The following GPC4 variants were observed in gnomAD, a reference collection of about 807,000 sequenced individuals.
GPC4 encodes the protein glypican 4.
In GPC4, 10 loss-of-function variants were observed where a neutral mutation model predicts 35.0. The observed-to-expected ratio is 0.29, with a 90% confidence interval of 0.18 to 0.48. The LOEUF (loss-of-function observed/expected upper bound fraction) is 0.48, where lower values mean the gene tolerates loss of function less well. Among genes scored for constraint, GPC4 ranks in the 20% least tolerant of loss-of-function variants. The probability of loss-of-function intolerance (pLI) is 0.99; values close to 1 mark genes in which losing one functional copy is unlikely to be tolerated. For synonymous variants in GPC4, 167 were observed against 170.2 expected (o/e 0.98, Z 0.15); for missense variants, 322 against 451.3 (o/e 0.71, Z 2.60).
chrX:133,370,796 G>C (rs1175807390), intron 1 of GPC4, among the ~76,000 whole-genome samples: 1 of 111,589 alleles, frequency 9.0e-6, no homozygotes, highest in Non-Finnish European at 1.9e-5. Flanking sequence ...CCATAGAACT[G>C]CTAACCAAAA....
At chrX:133,358,380 C>T (rs1200751024) in intron 1 of GPC4, among the ~76,000 whole-genome samples, 1 of 112,116 alleles carries the variant, frequency 8.9e-6, no homozygotes, top group Admixed American at 9.4e-5. Flanking sequence ...TAAGACAAGA[C>T]ACTATTTGCT....
At chrX:133,326,338 T>A (rs1311402690) in intron 2 of GPC4, among the ~76,000 whole-genome samples, 2 of 111,858 alleles carry the variant, frequency 1.8e-5, no homozygotes, top group Admixed American at 1.9e-4. Flanking sequence ...TCTCAAAGTG[T>A]GGGCCTGGGA....
intron 1 of GPC4, among the ~76,000 whole-genome samples, chrX:133,396,163 G>A (rs148170129): frequency 9.0e-6 from 1 of 111,552 alleles, no homozygotes; most frequent in East Asian, 2.8e-4. Flanking sequence ...ACAAATTAAT[G>A]GTCCCTAGGA....
chrX:133,408,945 A>G (rs1380981091), intron 1 of GPC4, among the ~76,000 whole-genome samples: 1 of 110,266 alleles, frequency 9.1e-6, no homozygotes, highest in African/African-American at 3.3e-5. Flanking sequence ...ATTTGAGGTC[A>G]GGAGTTCTAG....
At chrX:133,347,876 G>C (rs986344408) in intron 1 of GPC4, among the ~76,000 whole-genome samples, 4 of 112,036 alleles carry the variant, frequency 3.6e-5, no homozygotes, top group Non-Finnish European at 7.5e-5. Context: ...CTAATCAGTA[G>C]GAGAAATGCA....
intron 6 of GPC4, 119 bp downstream of exon 6, chrX:133,305,653 G>T: frequency 2.2e-6 from 2 of 929,165 alleles, no homozygotes; most frequent in Non-Finnish European, 3.0e-6. Flanking sequence ...CATCCTATTT[G>T]CTTGAAAAGT....
At chrX:133,387,286 A>G (rs955364759) in intron 1 of GPC4, among the ~76,000 whole-genome samples, 7 of 112,146 alleles carry the variant, frequency 6.2e-5, no homozygotes, top group Admixed American at 4.8e-4. Context: ...TGCATGAAAG[A>G]AAACAGTGGG....
At chrX:133,400,584 A>G (rs945461635) in intron 1 of GPC4, among the ~76,000 whole-genome samples, 5 of 112,300 alleles carry the variant, frequency 4.5e-5, no homozygotes, top group Admixed American at 1.9e-4. Context: ...CACTTGCTAA[A>G]TATCTGCTGA....
At chrX:133,328,204 G>A (rs2068403136) in intron 2 of GPC4, among the ~76,000 whole-genome samples, 1 of 111,056 alleles carries the variant, frequency 9.0e-6, no homozygotes, top group African/African-American at 3.3e-5. Flanking sequence ...ATCTATGAGA[G>A]TCAACCAGAC....
chrX:133,350,124 A>G, intron 1 of GPC4, among the ~76,000 whole-genome samples: 1 of 111,397 alleles, frequency 9.0e-6, no homozygotes, highest in Non-Finnish European at 1.9e-5. Context: ...GAAGAATAAC[A>G]TATTCATTCA....
chrX:133,369,256 G>T (rs1360516460), intron 1 of GPC4, among the ~76,000 whole-genome samples: 4 of 111,508 alleles, frequency 3.6e-5, no homozygotes, highest in Non-Finnish European at 7.5e-5. Context: ...AGTTACATTT[G>T]CCTCCTCTGA....
intron 2 of GPC4, among the ~76,000 whole-genome samples, chrX:133,336,863 G>A (rs1488000294): frequency 9.1e-6 from 1 of 110,385 alleles, no homozygotes; most frequent in Non-Finnish European, 1.9e-5. Flanking sequence ...CTGTTGCCTA[G>A]GCTGGAGTGC....
At chrX:133,322,733 T>G in intron 3 of GPC4, among the ~76,000 whole-genome samples, 1 of 112,390 alleles carries the variant, frequency 8.9e-6, no homozygotes, top group East Asian at 2.8e-4. Context: ...CCAGTTTTTA[T>G]GCTGTCCATT....
In GPC4 at chrX:133,415,415, C is replaced by G. The variant is rs1337450939; in HGVS notation, c.-450G>C. 8.4e-6 allele frequency: 1 copy of G among 119,108 alleles called. No individual in the cohort carries two copies. The highest frequency in any genetic ancestry group is 3.2e-5 in the African/African-American group (1 of 31,075). The allele number at this position is 119,108 out of a possible 1,213,427, so 9.8% of individuals were successfully genotyped here. ...GCTGCCCTGCGCTGGTCCGCTCGTC[C>G]GGCTGGACTCGGCTCGGCTGACTCT... is the stretch of plus-strand genomic sequence containing the variant. On this transcript the variant is annotated 5_prime_UTR_variant, in exon 1 of 9. Coordinates refer to ENST00000370828, the MANE Select transcript of GPC4 (RefSeq NM_001448.3).
chrX:133,369,117 CT>C (rs374070369), intron 1 of GPC4, among the ~76,000 whole-genome samples: 129 of 111,557 alleles, frequency 1.2e-3, no homozygotes, highest in African/African-American at 4.1e-3. Flanking sequence ...TTATATAAAA[CT>C]ACCTCTTTTA....
At chrX:133,348,166 C>T (rs5977860) in intron 1 of GPC4, among the ~76,000 whole-genome samples, 52,533 of 111,360 alleles carry the variant, frequency 0.47, 11,275 homozygotes, top group African/African-American at 0.85. Flanking sequence ...AGGCTTCTTA[C>T]TGCTTTTCAA....
At chrX:133,304,139 A>AAG (rs2068280878) in intron 7 of GPC4, among the ~76,000 whole-genome samples, 1 of 105,903 alleles carries the variant, frequency 9.4e-6, no homozygotes, top group Non-Finnish European at 2.0e-5. Flanking sequence ...TAAAAATACA[A>AAG]AAAAAAAAAA....
chrX:133,312,638 A>G (rs866802327), intron 3 of GPC4, among the ~76,000 whole-genome samples: 1 of 98,547 alleles, frequency 1.0e-5, no homozygotes, highest in Admixed American at 1.1e-4. Flanking sequence ...CAAAAGAAAG[A>G]AAGAAAGGAA....
At chrX:133,325,402 T>C (rs1174666078) in intron 2 of GPC4, among the ~76,000 whole-genome samples, 1 of 101,027 alleles carries the variant, frequency 9.9e-6, no homozygotes, top group Non-Finnish European at 2.0e-5. Context: ...AATACCTGGT[T>C]ATTTCAGATT....
Sources: allele counts gnomAD v4.1 joint callset (sites outside exome capture counted in the v4.1 genomes callset), GRCh38; gene constraint gnomAD v4.1.1; transcripts MANE v1.5; gene names NCBI Gene and HGNC (gene_info 2026-07-23, HGNC 2026-07-21).